Variants in KIRREL3 observed in about 807,000 individuals in gnomAD.
KIRREL3 encodes kirre like nephrin family adhesion molecule 3, also known as kin of IRRE-like protein 3.
Under a neutral mutation model 89.7 loss-of-function variants are expected in KIRREL3, and 36 were observed. The ratio of observed to expected loss-of-function variants is 0.40; its 90% confidence interval spans 0.31 to 0.53. The LOEUF is 0.53. Ranked by LOEUF, KIRREL3 falls within the 20% of genes least tolerant of loss-of-function variation. The pLI, the probability that KIRREL3 is intolerant of heterozygous loss-of-function variation, is 0.49. For synonymous variants in KIRREL3, 445 were observed against 441.4 expected (o/e 1.01, Z -0.10); for missense variants, 864 against 1,056.6 (o/e 0.82, Z 2.53).
Position 126,429,870 on chromosome 11 carries a change from C to T in KIRREL3, c.1697-582G>A, listed in dbSNP as rs1955065577. On this transcript the variant is annotated intron_variant, in intron 14 of 16. Transcript: ENST00000525144. The surrounding 1 kb of genome is among the most constrained non-coding windows in gnomAD (Gnocchi z 5.2). ...GAAAATTCTTGGCTGGGTGCGGTGG[C>T]TCACGCCTGTAATCCCAGCACTTTG... Among the ~76,000 whole-genome samples, 6 of 152,358 alleles carry T rather than the reference C, an allele frequency of 3.9e-5. No individual in the cohort carries two copies. The South Asian group carries it at 1.0e-3, about 26-fold the overall frequency.
Position 126,845,239 on chromosome 11 carries a change from T to C in KIRREL3, c.55+155216A>G, listed in dbSNP as rs539517032. ...TGCAGCTTGGCACCCAGGGCTATGGTGCAGTGAGCTGGGTCACTAGGGCTG... is the reference window on the plus strand; with the variant it reads ...TGCAGCTTGGCACCCAGGGCTATGGCGCAGTGAGCTGGGTCACTAGGGCTG... On this transcript the variant is annotated intron_variant, in intron 1 of 16. Coordinates refer to ENST00000525144, the MANE Select transcript of KIRREL3 (RefSeq NM_032531.4). Among the ~76,000 whole-genome samples, 6 of 152,232 alleles carry C rather than the reference T, an allele frequency of 3.9e-5. No individual in the cohort carries two copies. In the South Asian group the frequency reaches 1.2e-3, roughly 32 times the overall value.
rs1287145976 is a variant in KIRREL3, at chr11:126,764,334, A to C, written c.56-201422T>G. Among the ~76,000 whole-genome samples, 1 of 152,068 alleles carries C rather than the reference A, an allele frequency of 6.6e-6. No individual in the cohort carries two copies. The highest frequency in any genetic ancestry group is 1.5e-5 in the Non-Finnish European group (1 of 68,012). Reference sequence around the variant, plus strand: ...CCACCTCTTTCTTAGCTAGATACAGATGGAAAAAAAAAATGACAGCATTGG... The same window carrying C: ...CCACCTCTTTCTTAGCTAGATACAGCTGGAAAAAAAAAATGACAGCATTGG... On this transcript the variant is annotated intron_variant, in intron 1 of 16. Transcript: ENST00000525144. This position sits in a 1 kb window ranked among gnomAD's most constrained non-coding sequence, Gnocchi z 4.2.
At position 126,668,693 on chromosome 11, in the gene KIRREL3, T is replaced by TTTGC. The variant is rs1945778047; in HGVS notation, c.56-105782_56-105781insGCAA. On this transcript the variant is annotated intron_variant, in intron 1 of 16. Transcript: ENST00000525144. This position sits in a 1 kb window ranked among gnomAD's most constrained non-coding sequence, Gnocchi z 4.4. ...TAAAGAGCTGTTGGGAAGTTTCTGT[T>TTTGC]TTTCTTTCTTTCTTTCTTTCTTTCT... Among the ~76,000 whole-genome samples the TTTGC allele has an allele frequency of 7.9e-6, 1 of 126,596 alleles. No individual in the cohort carries two copies. The highest frequency in any genetic ancestry group is 1.6e-5 in the Non-Finnish European group (1 of 60,696). 83.1% of individuals were successfully genotyped at this position (126,596 alleles called of 152,430 possible).
chr11:126,611,657 A>T lies in KIRREL3; in HGVS notation c.56-48745T>A, dbSNP rs1943134883. On this transcript the variant is annotated intron_variant, in intron 1 of 16. Coordinates refer to ENST00000525144, the MANE Select transcript of KIRREL3 (RefSeq NM_032531.4). This position sits in a 1 kb window ranked among gnomAD's most constrained non-coding sequence, Gnocchi z 4.7. The stretch of plus-strand genomic sequence containing the variant: ...GTTTGCATTCCCGTGCCCTCCCCAC[A>T]GATGGCTGCTCTCTGGGCTGCACGC... Among the ~76,000 whole-genome samples, 1 of 152,162 alleles carries T rather than the reference A, an allele frequency of 6.6e-6. No individual in the cohort carries two copies. The highest frequency in any genetic ancestry group is 2.4e-5 in the African/African-American group (1 of 41,440).
At chr11:126,899,778 T>A (rs1048115549) in intron 1 of KIRREL3, among the ~76,000 whole-genome samples, 4 of 152,180 alleles carry the variant, frequency 2.6e-5, no homozygotes, top group Non-Finnish European at 5.9e-5. Flanking sequence ...GCCCCTGAAG[T>A]TCTGTAACAA....
In KIRREL3 at chr11:126,747,768, G is replaced by C. The variant is rs1949200624; in HGVS notation, c.56-184856C>G. On this transcript the variant is annotated intron_variant, in intron 1 of 16. Transcript: ENST00000525144. This position sits in a 1 kb window ranked among gnomAD's most constrained non-coding sequence, Gnocchi z 4.7. ...GAAGGAATGGGGTGAGGGAACGACT[G>C]TGTGCAGAGAGTCATGTGAGAACCC... Among the ~76,000 whole-genome samples, 1 of 152,180 alleles carries C rather than the reference G, an allele frequency of 6.6e-6. No individual in the cohort carries two copies. The highest frequency in any genetic ancestry group is 6.5e-5 in the Admixed American group (1 of 15,284).
intron 1 of KIRREL3, among the ~76,000 whole-genome samples, chr11:126,926,176 G>C (rs1418224629): frequency 1.3e-5 from 2 of 152,212 alleles, no homozygotes; most frequent in Non-Finnish European, 2.9e-5. Context: ...GGCAACAAAG[G>C]ACAGGTGGGT....
chr11:126,464,639 A>C (rs955542929), intron 5 of KIRREL3, among the ~76,000 whole-genome samples: 22 of 152,038 alleles, frequency 1.4e-4, no homozygotes, highest in African/African-American at 5.3e-4. Flanking sequence ...GACAGAGAGA[A>C]ACAGAGAAGG....
Position 126,766,194 on chromosome 11 carries a change from C to G in KIRREL3, c.56-203282G>C, listed in dbSNP as rs1949818027. ...TAACTGGAGTCTCTACCTCTCTCCT[C>G]CTCCCCTCTCTTCTCCTTGTCTTCC... is the stretch of plus-strand genomic sequence containing the variant. On this transcript the variant is annotated intron_variant, in intron 1 of 16. Coordinates refer to ENST00000525144, the MANE Select transcript of KIRREL3 (RefSeq NM_032531.4). This position sits in a 1 kb window ranked among gnomAD's most constrained non-coding sequence, Gnocchi z 4.2. Among the ~76,000 whole-genome samples the G allele has an allele frequency of 6.6e-6, 1 of 151,968 alleles. No individual in the cohort carries two copies. Among genetic ancestry groups the G allele is most frequent in the African/African-American group, 2.4e-5 (1 of 41,356 alleles).
chr11:126,464,887 C>A (rs1213505233), intron 5 of KIRREL3, among the ~76,000 whole-genome samples: 1 of 152,158 alleles, frequency 6.6e-6, no homozygotes, highest in Non-Finnish European at 1.5e-5. Context: ...GGAAGCAAAC[C>A]CATCTTAACT....
At position 126,446,887 on chromosome 11, in the gene KIRREL3, C is replaced by A; in HGVS notation, c.998-1G>T. The A allele has an allele frequency of 6.2e-7, 1 of 1,605,284 alleles. No homozygotes were observed. The highest frequency in any genetic ancestry group is 8.5e-7 in the Non-Finnish European group (1 of 1,176,090). ...GGTTCTGTGGTCATCCGGGGCCCAA[C>A]TGCGATGTGAGGAAGAAGAAGACAG... On this transcript the variant is annotated splice_acceptor_variant, in intron 8 of 16. Transcript: ENST00000525144. LOFTEE classifies it high-confidence loss of function.
chr11:126,526,624 G>A lies in KIRREL3; in HGVS notation c.197C>T (p.Thr66Met), dbSNP rs376140414. ...DQVVVSGQPV[T>M]LLCAIPEYDG... The stretch of plus-strand genomic sequence containing the variant: ...GTATTCGGGGATGGCGCAAAGTAGC[G>A]TCACTGGCTGTCCCGACACCACCAC... The change falls in exon 3 of 17, where the codon ACG (threonine) becomes ATG (methionine). Residue 66 changes from threonine to methionine, a missense_variant. Transcript: ENST00000525144. This position sits in a 1 kb window ranked among gnomAD's most constrained non-coding sequence, Gnocchi z 5.7. The A allele has an allele frequency of 4.0e-5, 64 of 1,597,368 alleles. No individual in the cohort carries two copies. Among genetic ancestry groups the A allele is most frequent in the Middle Eastern group, 1.6e-4 (1 of 6,062 alleles).
chr11:126,922,851 A>G (rs989946709), intron 1 of KIRREL3, among the ~76,000 whole-genome samples: 22 of 150,848 alleles, frequency 1.5e-4, no homozygotes, highest in Non-Finnish European at 1.6e-4. Context: ...TTTCTTACCC[A>G]CTCTTCCCAC....
chr11:126,993,582 G>T lies in KIRREL3; in HGVS notation c.55+6873C>A, dbSNP rs1162384897. On this transcript the variant is annotated intron_variant, in intron 1 of 16. Transcript: ENST00000525144. The surrounding 1 kb of genome is among the most constrained non-coding windows in gnomAD (Gnocchi z 6.1). ...ATCATATTGTAACCTTAATCGAAGTGTCTGCTCCCCAACCAGACTAAGAGC... is the reference window on the plus strand; with the variant it reads ...ATCATATTGTAACCTTAATCGAAGTTTCTGCTCCCCAACCAGACTAAGAGC... 6.6e-6 allele frequency among the ~76,000 whole-genome samples: 1 copy of T among 152,172 alleles called. No homozygotes were observed. The highest frequency in any genetic ancestry group is 1.9e-4 in the East Asian group (1 of 5,196).
intron 1 of KIRREL3, among the ~76,000 whole-genome samples, chr11:126,922,701 A>G (rs1033780801): frequency 1.3e-5 from 2 of 150,472 alleles, no homozygotes; most frequent in African/African-American, 4.9e-5. Context: ...AATAAAAAGC[A>G]GCAGGAGCAG....
At chr11:126,932,744 G>A (rs1315097740) in intron 1 of KIRREL3, among the ~76,000 whole-genome samples, 10 of 152,194 alleles carry the variant, frequency 6.6e-5, no homozygotes, top group Admixed American at 6.5e-4. Context: ...CAGCTTCTAT[G>A]TGTTAGAAAA....
At chr11:126,894,870 GCTGAGCT>G (rs1207918435) in intron 1 of KIRREL3, among the ~76,000 whole-genome samples, 1 of 152,182 alleles carries the variant, frequency 6.6e-6, no homozygotes, top group East Asian at 1.9e-4. Context: ...TGATACTTCT[GCTGAGCT>G]CTGAGGGATG....
rs543143109 is a variant in KIRREL3 at position 126,802,993 on chromosome 11, C to T, written c.55+197462G>A. Among the ~76,000 whole-genome samples, 93 of 152,306 alleles carry T rather than the reference C, an allele frequency of 6.1e-4. 1 individual carries two copies. The highest frequency in any genetic ancestry group is 1.6e-3 in the Admixed American group (25 of 15,294). ...AGCTGTATTCCCTGGAAGCTTCCTA[C>T]ATGGGTATTACAGAGTTAGCTAATT... On this transcript the variant is annotated intron_variant, in intron 1 of 16. Transcript: ENST00000525144. This position sits in a 1 kb window ranked among gnomAD's most constrained non-coding sequence, Gnocchi z 5.2.
At chr11:126,725,949 A>G (rs559491997) in intron 1 of KIRREL3, among the ~76,000 whole-genome samples, 16 of 152,218 alleles carry the variant, frequency 1.1e-4, no homozygotes, top group African/African-American at 3.6e-4. Context: ...AAGTTTTCCA[A>G]TCAAATTATA....
Sources: gnomAD v4.1 joint callset for allele counts (sites outside exome capture counted in the v4.1 genomes callset) on GRCh38, gnomAD v4.1.1 for gene constraint, Gnocchi (gnomAD v3.1) non-coding constraint, MANE v1.5 for transcripts, NCBI Gene and HGNC (gene_info 2026-07-23, HGNC 2026-07-21) for gene names.